Variants in PMS1 observed in about 807,000 individuals in gnomAD.
PMS1 encodes the protein PMS1 homolog 1, mismatch repair system component.
PMS1 carries 79 observed loss-of-function variants against 93.1 expected under a neutral mutation model. The observed-to-expected ratio is 0.85, with a 90% confidence interval of 0.71 to 1.02. The LOEUF (loss-of-function observed/expected upper bound fraction) is 1.02. Ranked by LOEUF, PMS1 falls within the 50% of genes least tolerant of loss-of-function variation. The probability of loss-of-function intolerance (pLI) is 0.00; values close to 1 mark genes in which losing one functional copy is unlikely to be tolerated. For synonymous variants in PMS1, 335 were observed against 363.4 expected (o/e 0.92, Z 0.89); for missense variants, 1,064 against 1,085.3 (o/e 0.98, Z 0.28).
At chr2:189,838,171 C>T (rs1276999779) in intron 5 of PMS1, among the ~76,000 whole-genome samples, 1 of 152,040 alleles carries the variant, frequency 6.6e-6, no homozygotes, top group African/African-American at 2.4e-5. Flanking sequence ...ATACCTTAAA[C>T]TGTTATGTTA....
At chr2:189,845,698 A>G (rs1265947655) in intron 6 of PMS1, among the ~76,000 whole-genome samples, 1 of 151,990 alleles carries the variant, frequency 6.6e-6, no homozygotes, top group Non-Finnish European at 1.5e-5. Flanking sequence ...CTGGTATGTC[A>G]TGCCTTCCTC....
intron 4 of PMS1, among the ~76,000 whole-genome samples, chr2:189,812,028 C>T (rs899355222): frequency 5.3e-5 from 8 of 151,918 alleles, no homozygotes; most frequent in Non-Finnish European, 8.8e-5. Context: ...CAGGCGGGTG[C>T]GGTGGCTCAC....
chr2:189,853,122 T>C (rs2054929852), intron 7 of PMS1, among the ~76,000 whole-genome samples: 1 of 152,116 alleles, frequency 6.6e-6, no homozygotes, highest in African/African-American at 2.4e-5. Flanking sequence ...CCCGTGATCT[T>C]GGCTCACTGC....
At chr2:189,858,389 A>G (rs5743151) in intron 9 of PMS1, among the ~76,000 whole-genome samples, 248 of 152,320 alleles carry the variant, frequency 1.6e-3, no homozygotes, top group African/African-American at 5.9e-3. Flanking sequence ...ACTAAATGCA[A>G]TGTTTAGTCG....
chr2:189,872,147 A>G (rs1417517351), intron 11 of PMS1, among the ~76,000 whole-genome samples: 1 of 152,156 alleles, frequency 6.6e-6, no homozygotes, highest in Non-Finnish European at 1.5e-5. Context: ...CATCTAAACC[A>G]TAGCATCTCA....
intron 5 of PMS1, among the ~76,000 whole-genome samples, chr2:189,820,063 G>T (rs1232756168): frequency 6.6e-6 from 1 of 152,194 alleles, no homozygotes; most frequent in African/African-American, 2.4e-5. Flanking sequence ...GGGAAATAGG[G>T]AATTAACATC....
At chr2:189,850,220 A>T (rs2054583589) in intron 6 of PMS1, among the ~76,000 whole-genome samples, 1 of 152,202 alleles carries the variant, frequency 6.6e-6, no homozygotes, top group South Asian at 2.1e-4. Context: ...AAAGTGCTTA[A>T]ATTACTACTG....
intron 5 of PMS1, among the ~76,000 whole-genome samples, chr2:189,830,583 C>T (rs2052840353): frequency 6.6e-6 from 1 of 152,192 alleles, no homozygotes; most frequent in African/African-American, 2.4e-5. Context: ...TCTCTCTCCT[C>T]CTCTAGAATA....
chr2:189,831,968 T>C (rs962347347), intron 5 of PMS1, among the ~76,000 whole-genome samples: 8 of 152,044 alleles, frequency 5.3e-5, no homozygotes, highest in African/African-American at 1.9e-4. Context: ...TGACCGCAAA[T>C]GATCCTCCCG....
rs764270787 is a variant in PMS1, at chr2:189,805,673, G to T, written c.337G>T (p.Ala113Ser). The T allele has an allele frequency of 6.2e-7, 1 of 1,613,658 alleles. No individual in the cohort carries two copies. Among genetic ancestry groups the T allele is most frequent in the Non-Finnish European group, 8.5e-7 (1 of 1,179,782 alleles). Residue 113 changes from alanine (A) to serine (S), a missense_variant, in exon 4 of 13, where the codon GCT becomes TCT. Coordinates refer to ENST00000441310, the MANE Select transcript of PMS1 (RefSeq NM_000534.5). ...CCAGGTTTTAATTACAACAAGAACG[G>T]CTGCTGATAATTTTAGCACCCAGTA... ...IAEVLITTRT[A>S]ADNFSTQYVL...
chr2:189,861,931 TAGATATAAA>T (rs2106498415), intron 9 of PMS1, among the ~76,000 whole-genome samples: 1 of 152,172 alleles, frequency 6.6e-6, no homozygotes, highest in South Asian at 2.1e-4. Context: ...ACCTGTATAT[TAGATATAAA>T]TATATCTAAT....
At chr2:189,857,441 C>T (rs1481351851) in intron 9 of PMS1, 2 of 467,744 alleles carry the variant, frequency 4.3e-6, no homozygotes, top group African/African-American at 4.0e-5. Context: ...AAGAATCGTA[C>T]TAGCTACCAT....
intron 9 of PMS1, 73 bp downstream of exon 9, chr2:189,855,201 G>T (rs2055182787): frequency 1.8e-5 from 24 of 1,314,830 alleles, no homozygotes; most frequent in South Asian, 8.6e-5. Flanking sequence ...TGTTTAAAAA[G>T]AATTTTTTTC....
At chr2:189,811,834 T>TTAA (rs2050874057) in intron 4 of PMS1, among the ~76,000 whole-genome samples, 1 of 152,188 alleles carries the variant, frequency 6.6e-6, no homozygotes, top group African/African-American at 2.4e-5. Context: ...TGTTTTTTCT[T>TTAA]TTTTAGAGAT....
intron 3 of PMS1, among the ~76,000 whole-genome samples, chr2:189,797,162 A>G (rs2049433139): frequency 6.6e-6 from 1 of 152,180 alleles, no homozygotes; most frequent in African/African-American, 2.4e-5. Context: ...TCTGTGGACT[A>G]CACTTTAGAA....
intron 5 of PMS1, among the ~76,000 whole-genome samples, chr2:189,827,878 T>A (rs1342296666): frequency 2.6e-5 from 4 of 152,052 alleles, no homozygotes; most frequent in African/African-American, 7.3e-5. Context: ...GAGGGGTTGG[T>A]CCATGGGGAT....
At chr2:189,867,307 C>A (rs1462137742) in intron 10 of PMS1, among the ~76,000 whole-genome samples, 1 of 152,170 alleles carries the variant, frequency 6.6e-6, no homozygotes, top group Non-Finnish European at 1.5e-5. Context: ...CCACCTTTGG[C>A]AAACATGCCA....
At chr2:189,860,910 T>C (rs2055917020) in intron 9 of PMS1, among the ~76,000 whole-genome samples, 1 of 149,132 alleles carries the variant, frequency 6.7e-6, no homozygotes, top group Non-Finnish European at 1.5e-5. Flanking sequence ...TGGCTTCTTA[T>C]GCTTACTATT....
intron 1 of PMS1, among the ~76,000 whole-genome samples, chr2:189,789,308 T>C (rs2106201116): frequency 6.6e-6 from 1 of 152,274 alleles, no homozygotes; most frequent in East Asian, 1.9e-4. Flanking sequence ...GATGAATTGA[T>C]TTATGGAGGG....
Sources: allele counts gnomAD v4.1 joint callset (sites outside exome capture counted in the v4.1 genomes callset), GRCh38; gene constraint gnomAD v4.1.1; transcripts MANE v1.5; gene names NCBI Gene and HGNC (gene_info 2026-07-23, HGNC 2026-07-21).